The following SMPX variants were observed in gnomAD, a reference collection of about 807,000 sequenced individuals.
SMPX encodes small muscle protein X-linked.
SMPX carries 2 observed loss-of-function variants against 6.3 expected under a neutral mutation model. The observed-to-expected ratio is 0.32, with a 90% confidence interval of 0.13 to 0.99. SMPX has a LOEUF of 0.99. Ranked by LOEUF, SMPX falls within the 50% of genes least tolerant of loss-of-function variation. SMPX has a pLI of 0.49. For missense variants in SMPX, 60 were observed against 66.8 expected, an observed-to-expected ratio of 0.90 and a Z score of 0.36; for synonymous variants, 32 against 24.7, an observed-to-expected ratio of 1.30 and a Z score of -0.88.
chrX:21,726,450 T>G (rs1826548978), intron 4 of SMPX, among the ~76,000 whole-genome samples: 1 of 112,697 alleles, frequency 8.9e-6, no homozygotes, highest in South Asian at 3.7e-4. Flanking sequence ...TTGACCTTGA[T>G]TCCATTGCTC....
intron 2 of SMPX, among the ~76,000 whole-genome samples, chrX:21,749,990 G>C (rs771258801): frequency 8.9e-6 from 1 of 111,853 alleles, no homozygotes; most frequent in South Asian, 3.8e-4. Flanking sequence ...TTCATTAACG[G>C]TGGAGAGAAA....
intron 2 of SMPX, among the ~76,000 whole-genome samples, chrX:21,748,670 C>T (rs1201055757): frequency 8.9e-6 from 1 of 111,990 alleles, no homozygotes; most frequent in Admixed American, 9.5e-5. Context: ...TAAAAGAAAC[C>T]AGCATTGGAA....
intron 2 of SMPX, among the ~76,000 whole-genome samples, chrX:21,747,787 G>A (rs768610949): frequency 7.2e-5 from 8 of 111,146 alleles, no homozygotes; most frequent in Non-Finnish European, 1.5e-4. Flanking sequence ...CTGAAGTTCA[G>A]AGGCTTCTGG....
At chrX:21,753,320 T>C (rs1265732578) in intron 2 of SMPX, among the ~76,000 whole-genome samples, 1 of 111,807 alleles carries the variant, frequency 8.9e-6, no homozygotes, top group Non-Finnish European at 1.9e-5. Flanking sequence ...CAGCGGTGTG[T>C]GCTAGGATTT....
chrX:21,719,242 G>A (rs1274567404), intron 4 of SMPX, among the ~76,000 whole-genome samples: 3 of 111,796 alleles, frequency 2.7e-5, no homozygotes, highest in African/African-American at 6.5e-5. Flanking sequence ...AAGAGAGGCC[G>A]GGCGCAGTGG....
chrX:21,718,778 T>C (rs771014921), intron 4 of SMPX, among the ~76,000 whole-genome samples: 8 of 111,207 alleles, frequency 7.2e-5, no homozygotes, highest in Non-Finnish European at 1.3e-4. Context: ...GGCAGAGGAG[T>C]GGGCCCCATT....
chrX:21,721,149 G>C (rs1440381787), intron 4 of SMPX, among the ~76,000 whole-genome samples: 1 of 111,914 alleles, frequency 8.9e-6, no homozygotes, highest in African/African-American at 3.2e-5. Context: ...GTCTTGGTTG[G>C]ACTAAGTGAC....
At chrX:21,748,524 A>G (rs2092823918) in intron 2 of SMPX, among the ~76,000 whole-genome samples, 1 of 111,737 alleles carries the variant, frequency 8.9e-6, no homozygotes, top group Non-Finnish European at 1.9e-5. Context: ...AAAAAATGAC[A>G]TCTTTTTGCA....
intron 1 of SMPX, among the ~76,000 whole-genome samples, chrX:21,756,503 C>T (rs1286176825): frequency 2.7e-5 from 3 of 112,296 alleles, no homozygotes; most frequent in African/African-American, 9.7e-5. Context: ...CAGATCCCAA[C>T]TCTCATTCCT....
chrX:21,720,868 C>A (rs1480600139), intron 4 of SMPX, among the ~76,000 whole-genome samples: 1 of 112,268 alleles, frequency 8.9e-6, no homozygotes. Flanking sequence ...ACAAACATAA[C>A]CCACTTATGT....
chrX:21,747,387 T>C (rs7883494), intron 2 of SMPX, among the ~76,000 whole-genome samples: 1,521 of 111,799 alleles, frequency 0.014, 18 homozygotes, highest in African/African-American at 0.047. Flanking sequence ...AGATCATCTT[T>C]TGCCGGAATA....
chrX:21,723,058 G>C (rs1366364514), intron 4 of SMPX, among the ~76,000 whole-genome samples: 1 of 111,589 alleles, frequency 9.0e-6, no homozygotes, highest in East Asian at 2.8e-4. Flanking sequence ...GCCGGTGATG[G>C]GATAGTTGGG....
intron 2 of SMPX, among the ~76,000 whole-genome samples, chrX:21,752,406 G>A (rs1270876537): frequency 8.9e-6 from 1 of 111,957 alleles, no homozygotes; most frequent in Non-Finnish European, 1.9e-5. Context: ...GTGATTAAAT[G>A]ATATTACTTC....
chrX:21,750,410 A>G (rs1023538625), intron 2 of SMPX, among the ~76,000 whole-genome samples: 7 of 112,209 alleles, frequency 6.2e-5, no homozygotes, highest in Non-Finnish European at 1.3e-4. Context: ...TCATTGGGAC[A>G]TAGCCACATT....
chrX:21,750,632 T>C, intron 2 of SMPX, among the ~76,000 whole-genome samples: 1 of 112,556 alleles, frequency 8.9e-6, no homozygotes, highest in Non-Finnish European at 1.9e-5. Context: ...TCTTTCAGGA[T>C]GTTTTTATGC....
chrX:21,728,942 A>C (rs2092800432), intron 4 of SMPX, among the ~76,000 whole-genome samples: 1 of 112,588 alleles, frequency 8.9e-6, no homozygotes, highest in African/African-American at 3.2e-5. Context: ...TGATGACAAT[A>C]AAAATGATGA....
At chrX:21,747,978 A>G (rs952305996) in intron 2 of SMPX, among the ~76,000 whole-genome samples, 1 of 112,062 alleles carries the variant, frequency 8.9e-6, no homozygotes, top group Non-Finnish European at 1.9e-5. Context: ...GCTCTTTCCT[A>G]TTCTCATAGT....
intron 4 of SMPX, among the ~76,000 whole-genome samples, chrX:21,714,581 C>G (rs1358607461): frequency 8.9e-6 from 1 of 111,892 alleles, no homozygotes; most frequent in Non-Finnish European, 1.9e-5. Context: ...CTGGGAATTT[C>G]TCCATTTATT....
At chrX:21,710,686 C>T (rs2092380962) in intron 4 of SMPX, among the ~76,000 whole-genome samples, 1 of 111,558 alleles carries the variant, frequency 9.0e-6, no homozygotes, top group Non-Finnish European at 1.9e-5. Flanking sequence ...GGGAACTGTG[C>T]TCTTCCTCTT....
Sources: gnomAD v4.1 joint callset for allele counts (sites outside exome capture counted in the v4.1 genomes callset) on GRCh38, gnomAD v4.1.1 for gene constraint, MANE v1.5 for transcripts, NCBI Gene and HGNC (gene_info 2026-07-23, HGNC 2026-07-21) for gene names.